The following SERGEF variants were observed in gnomAD, a reference collection of about 807,000 sequenced individuals.
The protein encoded by SERGEF is secretion regulating guanine nucleotide exchange factor, also known as secretion-regulating guanine nucleotide exchange factor.
In SERGEF, 51 loss-of-function variants were observed where a neutral mutation model predicts 50.0. The observed-to-expected ratio is 1.02, with a 90% CI of 0.81 to 1.29. SERGEF has a LOEUF of 1.29. Among genes scored for constraint, SERGEF ranks in the 50% most tolerant of loss-of-function variants. The pLI is 0.00. For synonymous variants in SERGEF, 205 were observed against 212.4 expected (o/e 0.97, Z 0.30); for missense variants, 521 against 557.0 (o/e 0.94, Z 0.65).
chr11:17,988,514 C>CTTAA, intron 8 of SERGEF, 83 bp downstream of exon 8: 1 of 1,395,712 alleles, frequency 7.2e-7, no homozygotes, highest in Non-Finnish European at 9.9e-7. Flanking sequence ...AGTAAAAAGG[C>CTTAA]TTAACCCCAA....
chr11:17,964,675 T>G (rs759616179), intron 8 of SERGEF, among the ~76,000 whole-genome samples: 3 of 152,140 alleles, frequency 2.0e-5, no homozygotes, highest in Non-Finnish European at 4.4e-5. Context: ...TTACAAGGTC[T>G]TCTAGAATAT....
At chr11:17,840,288 T>C (rs993407154) in intron 10 of SERGEF, among the ~76,000 whole-genome samples, 2 of 152,204 alleles carry the variant, frequency 1.3e-5, no homozygotes, top group African/African-American at 4.8e-5. Context: ...GTAATCGCGG[T>C]TCCAAATTCA....
At chr11:17,816,530 T>A (rs1331935954) in intron 10 of SERGEF, among the ~76,000 whole-genome samples, 1 of 152,244 alleles carries the variant, frequency 6.6e-6, no homozygotes, top group African/African-American at 2.4e-5. Context: ...TCTTGCTTAT[T>A]GCCTCAAAGG....
At chr11:17,815,056 A>G (rs1849943093) in intron 10 of SERGEF, among the ~76,000 whole-genome samples, 1 of 152,084 alleles carries the variant, frequency 6.6e-6, no homozygotes, top group Non-Finnish European at 1.5e-5. Context: ...GTGTGGTGGC[A>G]TGAGCCTGTA....
intron 8 of SERGEF, among the ~76,000 whole-genome samples, chr11:17,985,010 C>T (rs572955941): frequency 6.6e-5 from 10 of 152,262 alleles, no homozygotes; most frequent in Admixed American, 1.3e-4. Flanking sequence ...AATTAGGCCA[C>T]GAAAATCTTC....
chr11:17,881,107 G>A (rs1736766498), intron 9 of SERGEF, among the ~76,000 whole-genome samples: 1 of 152,212 alleles, frequency 6.6e-6, no homozygotes, highest in Non-Finnish European at 1.5e-5. Flanking sequence ...ACAAGTGGCA[G>A]CAGCAGAACT....
chr11:17,863,202 C>T (rs1433478880), intron 10 of SERGEF, among the ~76,000 whole-genome samples: 1 of 152,194 alleles, frequency 6.6e-6, no homozygotes, highest in African/African-American at 2.4e-5. Flanking sequence ...GCAAAATGTT[C>T]AGAATAGTGT....
intron 9 of SERGEF, among the ~76,000 whole-genome samples, chr11:17,899,558 G>A (rs1000779723): frequency 6.6e-6 from 1 of 152,150 alleles, no homozygotes; most frequent in African/African-American, 2.4e-5. Context: ...GTGAAATACA[G>A]CATCTCTAGC....
At position 17,858,645 on chromosome 11, in the gene SERGEF, G is replaced by A. The variant is rs960494323; in HGVS notation, c.1048+19563C>T. Among the ~76,000 whole-genome samples the A allele has an allele frequency of 3.3e-5, 5 of 152,248 alleles. No homozygotes were observed. In the South Asian group the frequency reaches 8.3e-4, roughly 25 times the overall value. On this transcript the variant is annotated intron_variant, in intron 10 of 10. Coordinates refer to ENST00000265965, the MANE Select transcript of SERGEF (RefSeq NM_012139.4). ...CCAGCTAAAGATCATCAGATCTTTA[G>A]AGAGGAAAACCTCTGTATCAGTTAG...
At chr11:17,926,629 A>C in intron 9 of SERGEF, 1 of 402,538 alleles carries the variant, frequency 2.5e-6, no homozygotes. Context: ...TATTCTAGAA[A>C]CCATGCCCTC....
chr11:17,833,689 C>T (rs1350691964), intron 10 of SERGEF, among the ~76,000 whole-genome samples: 1 of 152,322 alleles, frequency 6.6e-6, no homozygotes. Context: ...GGGAACCTAC[C>T]TCTTGCATCA....
At chr11:17,846,799 G>T in intron 10 of SERGEF, 1 of 455,920 alleles carries the variant, frequency 2.2e-6, no homozygotes, top group Non-Finnish European at 4.4e-6. Context: ...ATTGAACCCA[G>T]AATGGTGGCT....
intron 10 of SERGEF, among the ~76,000 whole-genome samples, chr11:17,832,930 A>G (rs1456726521): frequency 1.3e-5 from 2 of 152,194 alleles, no homozygotes; most frequent in Admixed American, 6.5e-5. Context: ...TTTATAAGGG[A>G]AGCCAAGCAC....
chr11:17,841,076 T>C (rs902214317), intron 10 of SERGEF, among the ~76,000 whole-genome samples: 1 of 152,174 alleles, frequency 6.6e-6, no homozygotes, highest in East Asian at 1.9e-4. Context: ...CAGGATACTC[T>C]GGTAAGGAAA....
chr11:18,012,204 G>A (rs1309762765), intron 1 of SERGEF, among the ~76,000 whole-genome samples: 7 of 152,154 alleles, frequency 4.6e-5, no homozygotes, highest in Non-Finnish European at 1.0e-4. Flanking sequence ...TCCAGCCAGA[G>A]AGACTGACGT....
chr11:17,959,293 T>C (rs999086413), intron 9 of SERGEF, among the ~76,000 whole-genome samples, 177 bp downstream of exon 9: 24 of 152,192 alleles, frequency 1.6e-4, no homozygotes, highest in Non-Finnish European at 3.4e-4. Context: ...GCAGTACAGT[T>C]ATCTGGGTGA....
chr11:17,965,792 C>A (rs763098366), intron 8 of SERGEF, among the ~76,000 whole-genome samples: 1 of 152,200 alleles, frequency 6.6e-6, no homozygotes, highest in African/African-American at 2.4e-5. Flanking sequence ...ATCAACCTAC[C>A]TACCTCTCAC....
intron 9 of SERGEF, among the ~76,000 whole-genome samples, chr11:17,896,858 G>GT (rs1226934660): frequency 0.068 from 170 of 2,482 alleles, 30 homozygotes; most frequent in Non-Finnish European, 0.12. Context: ...AAGGGTAAGG[G>GT]AAGGGAAGGG....
chr11:17,984,774 C>G (rs1853561051), intron 8 of SERGEF, among the ~76,000 whole-genome samples: 1 of 152,158 alleles, frequency 6.6e-6, no homozygotes, highest in East Asian at 1.9e-4. Flanking sequence ...GACTTCAAAG[C>G]CCAGGTTTTT....
Sources: allele counts gnomAD v4.1 joint callset (sites outside exome capture counted in the v4.1 genomes callset), GRCh38; gene constraint gnomAD v4.1.1; transcripts MANE v1.5; gene names NCBI Gene and HGNC (gene_info 2026-07-23, HGNC 2026-07-21).